Variants in GALNTL6 observed in about 807,000 individuals in gnomAD.
GALNTL6 encodes polypeptide N-acetylgalactosaminyltransferase like 6, also known as polypeptide N-acetylgalactosaminyltransferase-like 6.
A neutral mutation model predicts 73.7 loss-of-function variants in GALNTL6; 46 were observed. The ratio of observed to expected loss-of-function variants is 0.62; its 90% CI spans 0.49 to 0.80. The LOEUF is 0.80. GALNTL6 is among the 30% of genes least tolerant of loss of function. The pLI, the probability that GALNTL6 is intolerant of heterozygous loss-of-function variation, is 0.00. For missense variants in GALNTL6, 604 were observed against 755.0 expected (o/e 0.80, Z 2.34); for synonymous variants, 259 against 263.7 (o/e 0.98, Z 0.17).
At chr4:172,177,800 C>CACACACATATATGTGTGTGTATATAT (rs1560955548) in intron 2 of GALNTL6, among the ~76,000 whole-genome samples, 108 of 128,890 alleles carry the variant, frequency 8.4e-4, no homozygotes, top group Non-Finnish European at 1.5e-3. Context: ...TATATATATA[C>CACACACATATATGTGTGTGTATATAT]ACACACATAT....
chr4:172,183,195 A>G (rs1393720479), intron 2 of GALNTL6, among the ~76,000 whole-genome samples: 2 of 152,232 alleles, frequency 1.3e-5, no homozygotes, highest in Non-Finnish European at 2.9e-5. Flanking sequence ...ATTGCTTTAG[A>G]AAGTTTTGAA....
intron 12 of GALNTL6, among the ~76,000 whole-genome samples, chr4:173,033,774 A>G (rs910159360): frequency 1.3e-5 from 2 of 152,210 alleles, no homozygotes; most frequent in African/African-American, 4.8e-5. Flanking sequence ...TATTAGACAC[A>G]AAAGGCTTTG....
intron 5 of GALNTL6, among the ~76,000 whole-genome samples, chr4:172,805,566 C>CA (rs566624038): frequency 1.3e-5 from 2 of 151,792 alleles, no homozygotes; most frequent in Non-Finnish European, 2.9e-5. Flanking sequence ...GACCATGGAC[C>CA]AAAAAAATTA....
chr4:172,492,611 C>T (rs1427141105), intron 5 of GALNTL6, among the ~76,000 whole-genome samples: 1 of 152,046 alleles, frequency 6.6e-6, no homozygotes, highest in African/African-American at 2.4e-5. Context: ...CAGAGTTTAG[C>T]ATTTGAGGTG....
chr4:172,583,066 G>A (rs1005996118), intron 5 of GALNTL6, among the ~76,000 whole-genome samples: 2 of 151,704 alleles, frequency 1.3e-5, no homozygotes, highest in African/African-American at 4.8e-5. Context: ...ACATATCACT[G>A]GGCCTGTAAT....
intron 5 of GALNTL6, among the ~76,000 whole-genome samples, chr4:172,538,402 A>G (rs915873986): frequency 6.6e-6 from 1 of 152,006 alleles, no homozygotes; most frequent in Non-Finnish European, 1.5e-5. Context: ...AGAGCTTGCA[A>G]AGAGCCAAGA....
chr4:172,129,641 A>G (rs1451831838), intron 2 of GALNTL6, among the ~76,000 whole-genome samples: 1 of 152,218 alleles, frequency 6.6e-6, no homozygotes, highest in African/African-American at 2.4e-5. Context: ...CCAGGCATAC[A>G]GATCGAACAA....
At chr4:172,110,453 C>A (rs1205033646) in intron 2 of GALNTL6, among the ~76,000 whole-genome samples, 1 of 152,024 alleles carries the variant, frequency 6.6e-6, no homozygotes, top group Non-Finnish European at 1.5e-5. Flanking sequence ...AGTACTTTCA[C>A]AATATTTAGT....
At chr4:172,473,202 A>G (rs755045765) in intron 5 of GALNTL6, among the ~76,000 whole-genome samples, 39 of 152,120 alleles carry the variant, frequency 2.6e-4, no homozygotes, top group Non-Finnish European at 4.7e-4. Context: ...CATCTTGCCT[A>G]CTCAAGACTC....
intron 3 of GALNTL6, among the ~76,000 whole-genome samples, chr4:172,310,671 C>A (rs1233702372): frequency 6.6e-6 from 1 of 151,840 alleles, no homozygotes; most frequent in African/African-American, 2.4e-5. Flanking sequence ...CCAGATGTTT[C>A]AAAAATTTTG....
rs139917729 is a variant in GALNTL6 at position 171,962,765 on chromosome 4, C to CTTTTTTTTTTTTTT, written c.138+148052_138+148065dup. 3.6e-4 allele frequency among the ~76,000 whole-genome samples: 41 copies of CTTTTTTTTTTTTTT among 113,796 alleles called. 1 individual carries two copies. Among genetic ancestry groups the CTTTTTTTTTTTTTT allele is most frequent in the Non-Finnish European group, 4.3e-4 (26 of 60,650 alleles). The allele number at this position is 113,796 out of a possible 152,430, so 74.7% of individuals were successfully genotyped here. A position where few individuals can be genotyped will look rare whatever the true frequency, so the allele number is the denominator to read the frequency against. ...TACTTTCTTAATAAGCTTGCTTTTA[C>CTTTTTTTTTTTTTT]TTTTTTTTTTTTTTTTTTGTGAGAT... is the stretch of plus-strand genomic sequence containing the variant. On this transcript the variant is annotated intron_variant, in intron 2 of 12. Transcript: ENST00000506823.
At chr4:171,920,947 G>C (rs1371085837) in intron 2 of GALNTL6, among the ~76,000 whole-genome samples, 1 of 151,956 alleles carries the variant, frequency 6.6e-6, no homozygotes, top group Non-Finnish European at 1.5e-5. Flanking sequence ...CAGTTGTATT[G>C]TATGCGCATT....
At chr4:172,529,251 GA>G (rs1003809848) in intron 5 of GALNTL6, among the ~76,000 whole-genome samples, 2 of 151,564 alleles carry the variant, frequency 1.3e-5, no homozygotes, top group African/African-American at 2.4e-5. Flanking sequence ...CAAATTGAAA[GA>G]TTTTTTTTAA....
At chr4:171,853,706 G>T (rs1735596293) in intron 2 of GALNTL6, among the ~76,000 whole-genome samples, 1 of 142,660 alleles carries the variant, frequency 7.0e-6, no homozygotes, top group Non-Finnish European at 1.5e-5. Flanking sequence ...TGCCTCCCTA[G>T]GTCCAAGCGA....
chr4:173,006,474 C>T (rs551943031), intron 10 of GALNTL6, among the ~76,000 whole-genome samples: 17 of 152,264 alleles, frequency 1.1e-4, no homozygotes, highest in African/African-American at 3.6e-4. Context: ...GCAAAATCTA[C>T]CTTTGACCTT....
At chr4:171,998,784 A>G (rs933507047) in intron 2 of GALNTL6, among the ~76,000 whole-genome samples, 1 of 152,206 alleles carries the variant, frequency 6.6e-6, no homozygotes, top group African/African-American at 2.4e-5. Flanking sequence ...CTTACAAACA[A>G]AAGTAGAAGC....
intron 8 of GALNTL6, among the ~76,000 whole-genome samples, chr4:172,900,727 GT>G (rs1348075172): frequency 6.6e-6 from 1 of 152,042 alleles, no homozygotes; most frequent in Admixed American, 6.6e-5. Flanking sequence ...AGTTCAAGAG[GT>G]TTTTTTCTTA....
intron 5 of GALNTL6, among the ~76,000 whole-genome samples, chr4:172,736,848 C>T (rs146113068): frequency 6.8e-4 from 103 of 152,294 alleles, no homozygotes; most frequent in Admixed American, 1.3e-3. Flanking sequence ...TCTTTCCAAG[C>T]TGTTCTTCTG....
chr4:172,315,936 C>G (rs1328852290), intron 4 of GALNTL6, among the ~76,000 whole-genome samples: 1 of 151,546 alleles, frequency 6.6e-6, no homozygotes, highest in Non-Finnish European at 1.5e-5. Context: ...CATAAGACAT[C>G]TATTTGAAAT....
Sources: allele counts gnomAD v4.1 joint callset (sites outside exome capture counted in the v4.1 genomes callset), GRCh38; gene constraint gnomAD v4.1.1; transcripts MANE v1.5; gene names NCBI Gene and HGNC (gene_info 2026-07-23, HGNC 2026-07-21).